The following DCTN1 variants were observed in gnomAD, a reference collection of about 807,000 sequenced individuals.
DCTN1 encodes the protein 150 kDa dynein-associated polypeptide.
Under a neutral mutation model 161.2 loss-of-function variants are expected in DCTN1, and 61 were observed. That is an observed-to-expected ratio of 0.38 (90% confidence interval 0.31 to 0.47). The LOEUF (loss-of-function observed/expected upper bound fraction) is 0.47. Among genes scored for constraint, DCTN1 ranks in the 20% least tolerant of loss-of-function variants. The pLI, the probability that DCTN1 is intolerant of heterozygous loss-of-function variation, is 0.99. For missense variants in DCTN1, 1,404 were observed against 1,623.7 expected (o/e 0.86, Z 2.33); for synonymous variants, 653 against 632.4 (o/e 1.03, Z -0.49).
upstream of DCTN1, among the ~76,000 whole-genome samples, chr2:74,381,249 C>A (rs543322085): frequency 3.5e-4 from 53 of 152,344 alleles, no homozygotes; most frequent in South Asian, 0.011. Context: ...ACACAGCCAA[C>A]AAGGTTGGCC....
rs766673794 is a variant in DCTN1, at chr2:74,366,795, G to C, written c.2454C>G (p.Ala818=). The change falls in exon 21 of 32, where the codon GCC becomes GCG. Residue 818 remains alanine, a synonymous_variant. Coordinates refer to ENST00000628224, the MANE Select transcript of DCTN1 (RefSeq NM_004082.5). ...TGCAGCCTTAAACCTGTGGTCCAAA[G>C]GCCAGTGCAGCTGGGATCCCAGGAG... The part of the protein sequence containing the change: ...TDAPGIPAAL[A]FGPQVSDTLL... 6.2e-7 allele frequency: 1 copy of C among 1,614,222 alleles called. No homozygotes were observed. The highest frequency in any genetic ancestry group is 2.2e-5 in the East Asian group (1 of 44,888).
In DCTN1 at chr2:74,377,724, G is replaced by T. The variant is rs1156647974; in HGVS notation, c.282C>A (p.Ile94=). Residue 94 remains isoleucine, a splice_region_variant and synonymous_variant, in exon 3 of 32, where the codon ATC becomes ATA. Transcript: ENST00000628224. ...GHGIFVRQSQ[I]QVFEDGADTT... is the part of the protein sequence containing the mutation. Reference sequence around the variant, plus strand: ...TATCTGCTCCATCTTCAAATACCTGGATCTGAGGCCAGATTCAATATAGCC... The same window carrying T: ...TATCTGCTCCATCTTCAAATACCTGTATCTGAGGCCAGATTCAATATAGCC... 6 of 1,612,906 alleles carry T rather than the reference G, an allele frequency of 3.7e-6. No individual in the cohort carries two copies. The highest frequency in any genetic ancestry group is 5.1e-6 in the Non-Finnish European group (6 of 1,179,006).
Position 74,367,783 on chromosome 2 carries a change from C to G in DCTN1, c.2097G>C (p.Leu699Phe). The G allele has an allele frequency of 6.2e-7, 1 of 1,614,148 alleles. No homozygotes were observed. ...TGTGCAGCAGTTCAATGAGGAAATC[C>G]AAGGAGCGCTCATGGGCACTCATCT... ...YPEMSAHERS[L>F]DFLIELLHKD... The change falls in exon 18 of 32, where the codon TTG becomes TTC. Residue 699 changes from leucine to phenylalanine, a missense_variant. This residue lies in a region of DCTN1 where 475 missense variants were observed against 489.8 expected (regional missense o/e 0.97). Transcript: ENST00000628224.
chr2:74,376,379 G>A (rs1675225080), intron 5 of DCTN1, among the ~76,000 whole-genome samples: 2 of 152,176 alleles, frequency 1.3e-5, no homozygotes, highest in Non-Finnish European at 2.9e-5. Flanking sequence ...CATTCCCCCA[G>A]TCTATCCTTC....
intron 5 of DCTN1, 189 bp from the exon 6 acceptor site, chr2:74,374,529 C>G (rs531368793): frequency 2.8e-6 from 4 of 1,410,662 alleles, no homozygotes; most frequent in Non-Finnish European, 3.8e-6. Flanking sequence ...CCTCCCGGTG[C>G]GGCAGCTTCC....
In DCTN1 at chr2:74,367,676, C is replaced by G. The variant is rs201918275; in HGVS notation, c.2184+20G>C. The G allele has an allele frequency of 1.9e-6, 3 of 1,614,126 alleles. No individual in the cohort carries two copies. The highest frequency in any genetic ancestry group is 4.5e-5 in the East Asian group (2 of 44,886). On this transcript the variant is annotated intron_variant, in intron 18 of 31. Transcript: ENST00000628224. Reference sequence around the variant, plus strand: ...AAGCTTCCCTGCCTCCTGCCCCAAGCCCAAATTCTTGCCCCACACCTGATA... The same window carrying G: ...AAGCTTCCCTGCCTCCTGCCCCAAGGCCAAATTCTTGCCCCACACCTGATA...
chr2:74,369,448 C>T lies in DCTN1; in HGVS notation c.1436G>A (p.Arg479His), dbSNP rs1573159861. 6 of 1,614,036 alleles carry T rather than the reference C, an allele frequency of 3.7e-6. No homozygotes were observed. Among genetic ancestry groups the T allele is most frequent in the Non-Finnish European group, 2.5e-6 (3 of 1,180,050 alleles). ...EMNDELQENARETELELREQL... is the reference protein window; with the variant it reads ...EMNDELQENAHETELELREQL... ...CTCCCGCAGCTCCAGTTCTGTCTCA[C>T]GTGCATTCTCCTGCAGCTCATCGTT... Residue 479 changes from arginine (R) to histidine (H), a missense_variant, in exon 14 of 32, where the codon CGT (arginine) becomes CAT (histidine). Transcript: ENST00000628224. The surrounding 1 kb of genome is among the most constrained non-coding windows in gnomAD (Gnocchi z 4.9).
chr2:74,373,418 C>T (rs1675013124), intron 6 of DCTN1: 4 of 226,408 alleles, frequency 1.8e-5, no homozygotes, highest in Admixed American at 1.5e-4. Context: ...CCCTAGAAAC[C>T]CCATGTGACG....
At chr2:74,362,926 A>T in intron 29 of DCTN1, 68 bp downstream of exon 29, 1 of 1,561,160 alleles carries the variant, frequency 6.4e-7, no homozygotes, top group Non-Finnish European at 8.7e-7. Flanking sequence ...CCACCTGAGC[A>T]GGGGCTAAAT....
Position 74,369,610 on chromosome 2 carries a change from C to T in DCTN1, c.1393-119G>A, listed in dbSNP as rs553151065. 1.7e-5 allele frequency: 18 copies of T among 1,036,120 alleles called. No individual in the cohort carries two copies. The highest frequency in any genetic ancestry group is 6.2e-5 in the African/African-American group (4 of 64,842). 64.2% of individuals were successfully genotyped at this position (1,036,120 alleles called of 1,614,324 possible). On this transcript the variant is annotated intron_variant, in intron 13 of 31. Coordinates refer to ENST00000628224, the MANE Select transcript of DCTN1 (RefSeq NM_004082.5). The surrounding 1 kb of genome is among the most constrained non-coding windows in gnomAD (Gnocchi z 4.9). ...AGCAGGCGGATCATGAGGTCGAGAT[C>T]GAGATCATGCTGGCCAACATGGTGA...
rs372754302 is a variant in DCTN1 at position 74,370,965 on chromosome 2, A to C, written c.843+14T>G. The C allele has an allele frequency of 7.4e-6, 12 of 1,613,462 alleles. No homozygotes were observed. In the African/African-American group the frequency reaches 1.5e-4, roughly 20 times the overall value. On this transcript the variant is annotated intron_variant, in intron 9 of 31. Coordinates refer to ENST00000628224, the MANE Select transcript of DCTN1 (RefSeq NM_004082.5). This position sits in a 1 kb window ranked among gnomAD's most constrained non-coding sequence, Gnocchi z 4.4. ...TCAGGCTGCCCCAGCCACCCCCTTC[A>C]TCCAGAGTCAAACCTTTCTCGCCTC...
Position 74,370,891 on chromosome 2 carries a change from T to A in DCTN1, c.844-66A>T. 18 of 1,612,874 alleles carry A rather than the reference T, an allele frequency of 1.1e-5. No homozygotes were observed. Among genetic ancestry groups the A allele is most frequent in the Non-Finnish European group, 1.1e-5 (13 of 1,179,806 alleles). The stretch of plus-strand genomic sequence containing the variant: ...GATGCCCCAGGCCTTTCTCACAGTA[T>A]GTTCCAGGCTCCAGCTCCAGTCTAG... On this transcript the variant is annotated intron_variant, in intron 9 of 31. Transcript: ENST00000628224. This position sits in a 1 kb window ranked among gnomAD's most constrained non-coding sequence, Gnocchi z 4.4.
Position 74,387,956 on chromosome 2 carries a change from G to T in DCTN1, c.-19+3838C>A, listed in dbSNP as rs532102757. On this transcript the variant is annotated intron_variant, in intron 1 of 27. Coordinates refer to the DCTN1 transcript ENST00000409240. Reference sequence around the variant, plus strand: ...TCCTAGCACTCTGAGAGCCCAAGGCGGGCAGATCACTTGAGGCCAGGAGTT... The same window carrying T: ...TCCTAGCACTCTGAGAGCCCAAGGCTGGCAGATCACTTGAGGCCAGGAGTT... 8.5e-5 allele frequency among the ~76,000 whole-genome samples: 13 copies of T among 152,280 alleles called. No homozygotes were observed. In the South Asian group the frequency reaches 2.7e-3, roughly 32 times the overall value.
chr2:74,380,941 G>C (rs538089127), upstream of DCTN1, among the ~76,000 whole-genome samples: 18 of 152,318 alleles, frequency 1.2e-4, no homozygotes, highest in African/African-American at 4.3e-4. Context: ...GTCAAAAGCA[G>C]AGAGCCCTTC....
chr2:74,374,379 A>T (rs746829803), intron 5 of DCTN1, 39 bp from the exon 6 acceptor site: 1 of 1,612,860 alleles, frequency 6.2e-7, no homozygotes, highest in East Asian at 2.2e-5. Context: ...AAGCAAGGAG[A>T]GGAAAGAGGA....
At chr2:74,365,425 G>A (rs1674333188) in intron 25 of DCTN1, 90 bp downstream of exon 25, 2 of 1,598,526 alleles carry the variant, frequency 1.3e-6, no homozygotes, top group Non-Finnish European at 1.7e-6. Flanking sequence ...CTCACTATAA[G>A]AGAACCTGAG....
At chr2:74,367,224 T>A (rs1225255200) in intron 19 of DCTN1, 117 bp from the exon 20 acceptor site, 1 of 1,528,742 alleles carries the variant, frequency 6.5e-7, no homozygotes, top group Non-Finnish European at 9.0e-7. Context: ...GTCCTCTAGT[T>A]TCCCTGATAT....
At position 74,388,209 on chromosome 2, in the gene DCTN1, A is replaced by AAACAAAACAG. The variant is rs553746882; in HGVS notation, c.-19+3584_-19+3585insCTGTTTTGTT. ...AAGACTGTATCTCAAAAACAAAACA[A>AAACAAAACAG]AACAAAAAACTGGCCTCAAACTGGC... is the stretch of plus-strand genomic sequence containing the variant. On this transcript the variant is annotated intron_variant, in intron 1 of 27. Coordinates refer to the DCTN1 transcript ENST00000409240. 4.7e-3 allele frequency among the ~76,000 whole-genome samples: 718 copies of AAACAAAACAG among 151,656 alleles called. 8 individuals carry two copies. The highest frequency in any genetic ancestry group is 0.017 in the African/African-American group (693 of 41,232).
Position 74,363,336 on chromosome 2 carries a change from C to A in DCTN1, c.3303G>T (p.Arg1101Ser). 6.2e-7 allele frequency: 1 copy of A among 1,613,422 alleles called. No homozygotes were observed. Among genetic ancestry groups the A allele is most frequent in the Non-Finnish European group, 8.5e-7 (1 of 1,179,712 alleles). ...PLLLQQISAM[R>S]LHISQLQHEN... ...CATGCTGGAGCTGGGAGATGTGCAGCCTCATGGCAGAGATCTGCTGAAGCA... is the reference window on the plus strand; with the variant it reads ...CATGCTGGAGCTGGGAGATGTGCAGACTCATGGCAGAGATCTGCTGAAGCA... Residue 1101 changes from arginine to serine, a missense_variant, in exon 28 of 32, where the codon AGG becomes AGT. Transcript: ENST00000628224.
Sources: allele counts gnomAD v4.1 joint callset (sites outside exome capture counted in the v4.1 genomes callset), GRCh38; gene constraint gnomAD v4.1.1; regional missense constraint gnomAD v4.1.1; non-coding constraint Gnocchi (gnomAD v3.1); transcripts MANE v1.5; gene names NCBI Gene and HGNC (gene_info 2026-07-23, HGNC 2026-07-21).